SGCZ: variants seen among roughly 807,000 people sequenced by gnomAD.
The protein encoded by SGCZ is sarcoglycan zeta, also known as zeta-sarcoglycan.
SGCZ carries 40 observed loss-of-function variants against 41.3 expected under a neutral mutation model. The observed-to-expected ratio is 0.97, with a 90% CI of 0.75 to 1.26. The LOEUF (loss-of-function observed/expected upper bound fraction) is 1.26, where lower values mean the gene tolerates loss of function less well. Ranked by LOEUF, SGCZ falls within the 50% of genes most tolerant of loss-of-function variation. The pLI, the probability that SGCZ is intolerant of heterozygous loss-of-function variation, is 0.00. For missense variants in SGCZ, 552 were observed against 369.8 expected (o/e 1.49, Z -4.04); for synonymous variants, 206 against 137.5 (o/e 1.50, Z -3.49).
At chr8:14,979,584 T>C (rs1288720654) in intron 1 of SGCZ, among the ~76,000 whole-genome samples, 1 of 152,330 alleles carries the variant, frequency 6.6e-6, no homozygotes, top group African/African-American at 2.4e-5. Flanking sequence ...TTGATGTAAA[T>C]AAAGCAACCT....
At chr8:14,316,812 GACACACACACACACACAC>G (rs55956388) in intron 3 of SGCZ, among the ~76,000 whole-genome samples, 28 of 142,394 alleles carry the variant, frequency 2.0e-4, no homozygotes, top group African/African-American at 7.3e-4. Flanking sequence ...ATTTATTATA[GACACACACACACACACAC>G]ACACACACAC....
intron 1 of SGCZ, among the ~76,000 whole-genome samples, chr8:14,601,332 T>C (rs991929160): frequency 6.6e-6 from 1 of 152,122 alleles, no homozygotes; most frequent in South Asian, 2.1e-4. Flanking sequence ...CTTCTGTACA[T>C]AAATAAGCTG....
chr8:15,031,806 T>C (rs1038630020), intron 1 of SGCZ, among the ~76,000 whole-genome samples: 2 of 152,140 alleles, frequency 1.3e-5, no homozygotes, highest in East Asian at 3.9e-4. Context: ...CATGAGGACA[T>C]AGCAGCTTCT....
chr8:14,123,093 T>TAAGA (rs1477403012), intron 5 of SGCZ, among the ~76,000 whole-genome samples: 1 of 152,198 alleles, frequency 6.6e-6, no homozygotes, highest in African/African-American at 2.4e-5. Flanking sequence ...TACAAAGACG[T>TAAGA]AAGAGAGAAG....
At chr8:14,091,212 A>G (rs1049389031) in intron 7 of SGCZ, among the ~76,000 whole-genome samples, 2 of 151,040 alleles carry the variant, frequency 1.3e-5, no homozygotes, top group Non-Finnish European at 2.9e-5. Context: ...TATATGTGCT[A>G]CATTTTTTTA....
intron 3 of SGCZ, among the ~76,000 whole-genome samples, chr8:14,265,233 C>T (rs986028221): frequency 7.9e-5 from 12 of 152,168 alleles, no homozygotes; most frequent in Non-Finnish European, 1.2e-4. Flanking sequence ...GCACTCAAGG[C>T]GGCAGTGTTT....
chr8:15,185,386 G>A (rs1034814791), intron 1 of SGCZ, among the ~76,000 whole-genome samples: 1 of 152,180 alleles, frequency 6.6e-6, no homozygotes, highest in African/African-American at 2.4e-5. Context: ...TGTAAAAGCT[G>A]CTGCATCAGA....
rs78299822 is a variant in SGCZ, at chr8:14,153,312, G to A, written c.547+11268C>T. ...GATTTGGGGACTTCAATCTGAACACGAACCTCGGTCTGTAAGCCTATTCAA... is the reference window on the plus strand; with the variant it reads ...GATTTGGGGACTTCAATCTGAACACAAACCTCGGTCTGTAAGCCTATTCAA... On this transcript the variant is annotated intron_variant, in intron 5 of 7. Coordinates refer to ENST00000382080, the MANE Select transcript of SGCZ (RefSeq NM_139167.4). 4.7e-4 allele frequency among the ~76,000 whole-genome samples: 71 copies of A among 152,194 alleles called. 1 individual carries two copies. In the East Asian group the frequency reaches 0.013, roughly 27 times the overall value.
intron 1 of SGCZ, among the ~76,000 whole-genome samples, chr8:15,090,008 C>T (rs1253494134): frequency 6.6e-6 from 1 of 152,122 alleles, no homozygotes; most frequent in Non-Finnish European, 1.5e-5. Flanking sequence ...GTGGCTTAAC[C>T]AAAGTAGTAA....
intron 1 of SGCZ, among the ~76,000 whole-genome samples, chr8:15,171,401 T>A (rs1585636863): frequency 6.6e-6 from 1 of 152,162 alleles, no homozygotes; most frequent in African/African-American, 2.4e-5. Context: ...AGTGTTTTAT[T>A]GCATTTTATT....
intron 1 of SGCZ, among the ~76,000 whole-genome samples, chr8:14,972,420 T>C (rs940428867): frequency 2.6e-5 from 4 of 152,202 alleles, no homozygotes; most frequent in African/African-American, 4.8e-5. Flanking sequence ...GTGTTTCTTG[T>C]AGGCAGCATG....
intron 3 of SGCZ, among the ~76,000 whole-genome samples, chr8:14,239,121 G>C (rs1806876806): frequency 6.6e-6 from 1 of 151,758 alleles, no homozygotes; most frequent in Admixed American, 6.6e-5. Flanking sequence ...TCCTAATCAA[G>C]TGATATATCC....
intron 4 of SGCZ, among the ~76,000 whole-genome samples, chr8:14,218,397 G>T (rs547411119): frequency 2.6e-5 from 4 of 152,148 alleles, no homozygotes; most frequent in African/African-American, 4.8e-5. Flanking sequence ...TTTTCAGAAA[G>T]TATTAAGTTA....
chr8:15,213,258 C>G (rs1186633780), intron 1 of SGCZ, among the ~76,000 whole-genome samples: 1 of 151,790 alleles, frequency 6.6e-6, no homozygotes, highest in African/African-American at 2.4e-5. Flanking sequence ...AATCCTACCC[C>G]TCAAATTATT....
chr8:14,380,194 A>T (rs571864811), intron 2 of SGCZ, among the ~76,000 whole-genome samples: 14 of 152,248 alleles, frequency 9.2e-5, no homozygotes, highest in Non-Finnish European at 1.8e-4. Context: ...TAACATTCAC[A>T]TGTCAACTTA....
chr8:15,206,174 C>A (rs761169343), intron 1 of SGCZ, among the ~76,000 whole-genome samples: 1 of 151,958 alleles, frequency 6.6e-6, no homozygotes, highest in African/African-American at 2.4e-5. Flanking sequence ...TATGCCGGAA[C>A]CTAAAATAAA....
At chr8:14,469,715 G>A (rs1801160740) in intron 2 of SGCZ, among the ~76,000 whole-genome samples, 1 of 151,802 alleles carries the variant, frequency 6.6e-6, no homozygotes. Context: ...GGAGATATTG[G>A]CTAAAGGTTA....
intron 1 of SGCZ, among the ~76,000 whole-genome samples, chr8:14,936,482 A>G (rs13261449): frequency 0.38 from 57,336 of 151,610 alleles, 11,540 homozygotes; most frequent in Non-Finnish European, 0.45. Context: ...ATGGGTGTAT[A>G]CATACTCAGA....
intron 2 of SGCZ, among the ~76,000 whole-genome samples, chr8:14,553,804 T>C (rs1803946838): frequency 6.6e-6 from 1 of 152,016 alleles, no homozygotes; most frequent in Admixed American, 6.6e-5. Flanking sequence ...AACAGCCCAG[T>C]ATAGGAATAT....
Sources: allele counts gnomAD v4.1 joint callset (sites outside exome capture counted in the v4.1 genomes callset), GRCh38; gene constraint gnomAD v4.1.1; transcripts MANE v1.5; gene names NCBI Gene and HGNC (gene_info 2026-07-23, HGNC 2026-07-21).